ABCA13: variants seen among roughly 807,000 people sequenced by gnomAD.
ABCA13 encodes the protein ATP-binding cassette sub-family A member 13.
ABCA13 carries 476 observed loss-of-function variants against 478.7 expected under a neutral mutation model. The ratio of observed to expected loss-of-function variants is 0.99; its 90% confidence interval spans 0.92 to 1.07. The LOEUF (loss-of-function observed/expected upper bound fraction) is 1.07, where lower values mean the gene tolerates loss of function less well. Ranked by LOEUF, ABCA13 falls within the 50% of genes least tolerant of loss-of-function variation. The probability of loss-of-function intolerance (pLI) is 0.00; values close to 1 mark genes in which losing one functional copy is unlikely to be tolerated. For missense variants in ABCA13, 6,060 were observed against 5,910.6 expected (o/e 1.03, Z -0.83); for synonymous variants, 2,252 against 2,158.9 (o/e 1.04, Z -1.20).
chr7:48,469,667 C>G (rs911874904), intron 44 of ABCA13, among the ~76,000 whole-genome samples: 11 of 152,082 alleles, frequency 7.2e-5, no homozygotes, highest in Admixed American at 3.3e-4. Context: ...TAAAATGCAC[C>G]TTAGCACTTT....
Position 48,374,331 on chromosome 7 carries a change from A to G in ABCA13, c.11134-16A>G, listed in dbSNP as rs77940051. On this transcript the variant is annotated splice_polypyrimidine_tract_variant and intron_variant, in intron 33 of 61. Coordinates refer to ENST00000435803, the MANE Select transcript of ABCA13 (RefSeq NM_152701.5). ...AAACACTAACGTGCAGTTTTTCTCC[A>G]TCAATCTGTGGGCAGTGCCTTCTTT... 2.8e-5 allele frequency: 45 copies of G among 1,602,672 alleles called. No individual in the cohort carries two copies. The highest frequency in any genetic ancestry group is 3.7e-5 in the Non-Finnish European group (43 of 1,175,328).
At chr7:48,496,893 G>C (rs553830357) in intron 48 of ABCA13, among the ~76,000 whole-genome samples, 1 of 151,796 alleles carries the variant, frequency 6.6e-6, no homozygotes, top group East Asian at 1.9e-4. Context: ...ATTTAATTAT[G>C]ATGTATCTTG....
At chr7:48,427,934 A>G in intron 42 of ABCA13, 63 bp downstream of exon 42, 1 of 1,144,150 alleles carries the variant, frequency 8.7e-7, no homozygotes. Context: ...CTTATTCAAC[A>G]TCCCTTGTTT....
intron 42 of ABCA13, among the ~76,000 whole-genome samples, chr7:48,448,085 C>T (rs1824523015): frequency 1.3e-5 from 2 of 152,180 alleles, no homozygotes; most frequent in African/African-American, 2.4e-5. Context: ...TTCCAATGGG[C>T]AGATGCCTGA....
chr7:48,435,641 G>C (rs1822731232), intron 42 of ABCA13, among the ~76,000 whole-genome samples: 1 of 151,632 alleles, frequency 6.6e-6, no homozygotes, highest in Admixed American at 6.6e-5. Flanking sequence ...GTACAATATT[G>C]GGTGTGGGTT....
chr7:48,310,670 G>T (rs1422152717), intron 24 of ABCA13, among the ~76,000 whole-genome samples: 1 of 152,158 alleles, frequency 6.6e-6, no homozygotes, highest in African/African-American at 2.4e-5. Context: ...CCAATCCCCT[G>T]TGTGTGCCGG....
chr7:48,414,590 A>ATATATG (rs1819713848), intron 41 of ABCA13, among the ~76,000 whole-genome samples: 3 of 150,154 alleles, frequency 2.0e-5, no homozygotes, highest in Non-Finnish European at 3.0e-5. Context: ...AACATATAAT[A>ATATATG]TACATACATA....
intron 15 of ABCA13, among the ~76,000 whole-genome samples, chr7:48,259,604 T>A (rs1445327643): frequency 6.6e-6 from 1 of 152,140 alleles, no homozygotes; most frequent in African/African-American, 2.4e-5. Context: ...CCTGTTTACA[T>A]TCAAGGTTAA....
intron 51 of ABCA13, among the ~76,000 whole-genome samples, chr7:48,512,707 G>A (rs192470821): frequency 2.0e-5 from 3 of 152,280 alleles, no homozygotes; most frequent in Admixed American, 6.5e-5. Context: ...ATTTTTATTA[G>A]TTGTTTTGAT....
At chr7:48,614,055 G>A (rs1239175888) in intron 58 of ABCA13, among the ~76,000 whole-genome samples, 1 of 147,992 alleles carries the variant, frequency 6.8e-6, no homozygotes, top group East Asian at 1.9e-4. Context: ...TACACTTAAG[G>A]TAATATTTAA....
intron 39 of ABCA13, among the ~76,000 whole-genome samples, chr7:48,405,451 G>A (rs970565314): frequency 5.9e-5 from 9 of 152,186 alleles, no homozygotes; most frequent in African/African-American, 2.2e-4. Context: ...TGTCTCTTGG[G>A]GAAAGACATA....
At chr7:48,430,022 T>C (rs1054466371) in intron 42 of ABCA13, among the ~76,000 whole-genome samples, 1 of 152,166 alleles carries the variant, frequency 6.6e-6, no homozygotes, top group Non-Finnish European at 1.5e-5. Context: ...TCTTTGGCGC[T>C]GTTATCATGG....
At chr7:48,216,181 A>G (rs1436757631) in intron 3 of ABCA13, among the ~76,000 whole-genome samples, 1 of 152,156 alleles carries the variant, frequency 6.6e-6, no homozygotes, top group African/African-American at 2.4e-5. Flanking sequence ...TTGTTTTTCA[A>G]CGTGGCTCTA....
chr7:48,206,271 C>T (rs897832613), intron 3 of ABCA13, among the ~76,000 whole-genome samples: 1 of 152,182 alleles, frequency 6.6e-6, no homozygotes, highest in African/African-American at 2.4e-5. Flanking sequence ...AATTATAATA[C>T]CATATCTTAA....
At chr7:48,600,746 TAA>T in intron 58 of ABCA13, among the ~76,000 whole-genome samples, 1 of 152,292 alleles carries the variant, frequency 6.6e-6, no homozygotes, top group Non-Finnish European at 1.5e-5. Context: ...AGGCATATTT[TAA>T]GTTTCACTTT....
At chr7:48,375,569 AAACCAG>A (rs1465349008) in intron 34 of ABCA13, among the ~76,000 whole-genome samples, 1 of 152,212 alleles carries the variant, frequency 6.6e-6, no homozygotes, top group African/African-American at 2.4e-5. Flanking sequence ...CTAAAATTCT[AAACCAG>A]AACAGACATA....
intron 44 of ABCA13, among the ~76,000 whole-genome samples, chr7:48,468,918 A>G (rs1462921287): frequency 2.0e-5 from 3 of 152,250 alleles, no homozygotes; most frequent in East Asian, 1.9e-4. Context: ...TTCTCACAGT[A>G]GTAGGTGATG....
At chr7:48,239,648 A>G (rs1002953519) in intron 9 of ABCA13, among the ~76,000 whole-genome samples, 24 of 152,192 alleles carry the variant, frequency 1.6e-4, no homozygotes, top group African/African-American at 5.3e-4. Flanking sequence ...GCTTGCACAC[A>G]CACCTTGGCA....
At position 48,244,676 on chromosome 7, in the gene ABCA13, A is replaced by T; in HGVS notation, c.1363A>T (p.Ile455Leu). 6.2e-7 allele frequency: 1 copy of T among 1,605,176 alleles called. No individual in the cohort carries two copies. The highest frequency in any genetic ancestry group is 8.5e-7 in the Non-Finnish European group (1 of 1,174,558). ...LQLDGALRNA[I>L]AQNLHFVQEV... ...GCTTGATGGAGCTCTCAGAAATGCGATAGCTCAGAATTTACATTTTGTCCA... is the reference window on the plus strand; with the variant it reads ...GCTTGATGGAGCTCTCAGAAATGCGTTAGCTCAGAATTTACATTTTGTCCA... Residue 455 changes from isoleucine (I) to leucine (L), a missense_variant, in exon 11 of 62, where the codon ATA becomes TTA. Coordinates refer to ENST00000435803, the MANE Select transcript of ABCA13 (RefSeq NM_152701.5).
Sources: allele counts gnomAD v4.1 joint callset (sites outside exome capture counted in the v4.1 genomes callset), GRCh38; gene constraint gnomAD v4.1.1; transcripts MANE v1.5; gene names NCBI Gene and HGNC (gene_info 2026-07-23, HGNC 2026-07-21).